Variants in BSPRY observed in about 807,000 individuals in gnomAD.
The protein encoded by BSPRY is B box and SPRY domain-containing protein.
Under a neutral mutation model 38.0 loss-of-function variants are expected in BSPRY, and 33 were observed. That is an observed-to-expected ratio of 0.87 (90% CI 0.66 to 1.16). BSPRY has a LOEUF of 1.16. BSPRY is among the 50% of genes most tolerant of loss of function. The probability of loss-of-function intolerance (pLI) is 0.00; values close to 1 mark genes in which losing one functional copy is unlikely to be tolerated. For missense variants in BSPRY, 523 were observed against 533.2 expected, an observed-to-expected ratio of 0.98 and a Z score of 0.19; for synonymous variants, 224 against 228.5, an observed-to-expected ratio of 0.98 and a Z score of 0.18.
At chr9:113,352,480 G>GACACACACACACACAC (rs139828518) in intron 1 of BSPRY, among the ~76,000 whole-genome samples, 6,615 of 149,808 alleles carry the variant, frequency 0.044, 181 homozygotes, top group African/African-American at 0.073. Flanking sequence ...TGGGGAGTGA[G>GACACACACACACACAC]ACACACACAC....
rs1341031415 is a variant in BSPRY at position 113,349,664 on chromosome 9, C to G, written c.85C>G (p.Leu29Val). 1.6e-6 allele frequency: 2 copies of G among 1,242,456 alleles called. No homozygotes were observed. The highest frequency in any genetic ancestry group is 2.0e-6 in the Non-Finnish European group (2 of 992,106). 77.0% of individuals were successfully genotyped at this position (1,242,456 alleles called of 1,614,324 possible). The change falls in exon 1 of 6, where the codon CTG becomes GTG. Residue 29 changes from leucine (L) to valine (V), a missense_variant. Leu to Val is a conservative substitution (Grantham distance 32). Transcript: ENST00000374183. ...GPLCPEHGQA[L>V]SWFCGSERRP... ...ACTCTGCCCCGAACACGGCCAGGCT[C>G]TGAGCTGGTTCTGCGGCTCCGAGCG...
rs561769626 is a variant in BSPRY, at chr9:113,371,039, C to T, written c.*897C>T. 1 of 151,810 alleles carries T rather than the reference C, an allele frequency of 6.6e-6. No homozygotes were observed. Among genetic ancestry groups the T allele is most frequent in the East Asian group, 1.9e-4 (1 of 5,164 alleles). The allele number at this position is 151,810 out of a possible 1,614,324, so 9.4% of individuals were successfully genotyped here. ...TAGCCCCTGCTGGCTGAGCTCCAGC[C>T]TGTGCCCACTGATAATAGCAGGGAC... On this transcript the variant is annotated 3_prime_UTR_variant, in exon 6 of 6. Transcript: ENST00000374183.
chr9:113,369,019 T>C (rs989189913), intron 5 of BSPRY, among the ~76,000 whole-genome samples: 3 of 151,446 alleles, frequency 2.0e-5, no homozygotes, highest in African/African-American at 7.3e-5. Flanking sequence ...TAATCCTCCC[T>C]CCTCGTATTA....
intron 4 of BSPRY, among the ~76,000 whole-genome samples, chr9:113,363,502 C>T (rs1811716337): frequency 6.6e-6 from 1 of 152,072 alleles, no homozygotes; most frequent in African/African-American, 2.4e-5. Context: ...ATCCTATTCC[C>T]TGACAGTGAT....
chr9:113,368,433 G>A (rs1172848583), intron 5 of BSPRY, 50 bp downstream of exon 5: 2 of 1,596,150 alleles, frequency 1.3e-6, no homozygotes, highest in African/African-American at 2.7e-5. Context: ...GCTTCTGTCT[G>A]TCTGTCTGGG....
intron 4 of BSPRY, among the ~76,000 whole-genome samples, chr9:113,364,481 G>A (rs1393851727): frequency 6.6e-6 from 1 of 151,928 alleles, no homozygotes; most frequent in South Asian, 2.1e-4. Context: ...TTAATATCAA[G>A]CTGATCTGAT....
chr9:113,369,313 G>A (rs1047406844), intron 5 of BSPRY, among the ~76,000 whole-genome samples: 15 of 151,950 alleles, frequency 9.9e-5, no homozygotes, highest in African/African-American at 3.4e-4. Context: ...TTTCTCTCTG[G>A]GCCTTATTTC....
rs762591846 is a variant in BSPRY, at chr9:113,368,289, C to G, written c.588C>G (p.Pro196=). 3.1e-6 allele frequency: 5 copies of G among 1,614,074 alleles called. No homozygotes were observed. In the East Asian group the frequency reaches 8.9e-5, roughly 29 times the overall value. The change falls in exon 5 of 6, where the codon CCC becomes CCG. Residue 196 remains proline (P), a synonymous_variant. Coordinates refer to ENST00000374183, the MANE Select transcript of BSPRY (RefSeq NM_017688.3). ...AAGAAGCAGAGGGCATTTTGGATCC[C>G]CAGGAGTCGGAAATGTTAAACTTTA... ...RTEEAEGILD[P]QESEMLNFNE...
At chr9:113,351,563 G>C (rs918285113) in intron 1 of BSPRY, among the ~76,000 whole-genome samples, 1 of 152,114 alleles carries the variant, frequency 6.6e-6, no homozygotes, top group Non-Finnish European at 1.5e-5. Context: ...ACTTCTGGGT[G>C]GAAAGATTTA....
At chr9:113,359,110 G>A (rs563325958) in intron 2 of BSPRY, among the ~76,000 whole-genome samples, 39 of 152,184 alleles carry the variant, frequency 2.6e-4, no homozygotes, top group Admixed American at 2.4e-3. Flanking sequence ...AATGTAGCAG[G>A]CTTTGTTCTA....
Position 113,369,794 on chromosome 9 carries a change from C to CTGGA in BSPRY, c.865_868dup (p.Val290AspfsTer11). 6.2e-7 allele frequency: 1 copy of CTGGA among 1,614,248 alleles called. No homozygotes were observed. The highest frequency in any genetic ancestry group is 8.5e-7 in the Non-Finnish European group (1 of 1,180,048). On this transcript the variant is annotated frameshift_variant, in exon 6 of 6. Transcript: ENST00000374183. LOFTEE classifies it high-confidence loss of function. ...CCTCCTTCCAGAATGGGCTCCATGC[C>CTGGA]TGGATGGTGAATGTCCAGAACAGTT... is the stretch of plus-strand genomic sequence containing the variant.
chr9:113,353,274 G>T (rs1330434788), intron 1 of BSPRY, among the ~76,000 whole-genome samples: 1 of 152,166 alleles, frequency 6.6e-6, no homozygotes, highest in East Asian at 1.9e-4. Context: ...TGTAGTTCTA[G>T]CTACTCAGGA....
chr9:113,364,326 A>G (rs1160101437), intron 4 of BSPRY, among the ~76,000 whole-genome samples: 1 of 152,216 alleles, frequency 6.6e-6, no homozygotes, highest in African/African-American at 2.4e-5. Flanking sequence ...GAAATATTGC[A>G]GTGTAGACGG....
chr9:113,366,300 T>C (rs904101574), intron 4 of BSPRY, among the ~76,000 whole-genome samples: 6 of 152,220 alleles, frequency 3.9e-5, no homozygotes, highest in African/African-American at 1.4e-4. Flanking sequence ...GGCCTATCCA[T>C]AGAGTTCCAG....
At chr9:113,354,115 A>G (rs761448076) in intron 1 of BSPRY, 125 bp from the exon 2 acceptor site, 9 of 701,334 alleles carry the variant, frequency 1.3e-5, no homozygotes, top group African/African-American at 3.6e-5. Context: ...TTTGATAATG[A>G]TGAGATCTGG....
intron 2 of BSPRY, among the ~76,000 whole-genome samples, chr9:113,359,176 A>G (rs1475781934): frequency 1.3e-5 from 2 of 152,240 alleles, no homozygotes; most frequent in African/African-American, 4.8e-5. Context: ...TGAGGTAGGT[A>G]CTATTATTAT....
rs1834232537 is a variant in BSPRY at position 113,365,493 on chromosome 9, A to G, written c.558-2766A>G. ...CCCTGTGTCCTTTTGAAAAGTTCCC[A>G]TCATTCTTTGAGCACTTTCTTGCTC... is the stretch of plus-strand genomic sequence containing the variant. On this transcript the variant is annotated intron_variant, in intron 4 of 5. Transcript: ENST00000374183. Among the ~76,000 whole-genome samples the G allele has an allele frequency of 7.2e-5, 11 of 152,340 alleles. No individual in the cohort carries two copies. The South Asian group carries it at 2.1e-3, about 29-fold the overall frequency.
rs368410256 is a variant in BSPRY, at chr9:113,362,174, G to GGTGGGTGTGT, written c.532-192_532-191insGGTGTGTGTG. Among the ~76,000 whole-genome samples the GGTGGGTGTGT allele has an allele frequency of 1.0e-3, 144 of 141,342 alleles. 4 individuals carry two copies. The East Asian group carries it at 0.027, about 26-fold the overall frequency. 92.7% of individuals were successfully genotyped at this position (141,342 alleles called of 152,430 possible). On this transcript the variant is annotated intron_variant, in intron 3 of 5. Transcript: ENST00000374183. ...TGATTCATTCTGAGCATGTGTTATG[G>GGTGGGTGTGT]GTGTGTGTGTGTGTGTGTGTGTGTG...
At chr9:113,363,544 T>C (rs1404925791) in intron 4 of BSPRY, among the ~76,000 whole-genome samples, 9 of 152,290 alleles carry the variant, frequency 5.9e-5, no homozygotes, top group Admixed American at 1.3e-4. Context: ...TGTGGACTTA[T>C]ATATAGTCAT....
Sources: allele counts gnomAD v4.1 joint callset (sites outside exome capture counted in the v4.1 genomes callset), GRCh38; gene constraint gnomAD v4.1.1; transcripts MANE v1.5; gene names NCBI Gene and HGNC (gene_info 2026-07-23, HGNC 2026-07-21).